DNAAF1: variants seen among roughly 807,000 people sequenced by gnomAD.
DNAAF1 encodes dynein axonemal assembly factor 1.
In DNAAF1, 65 loss-of-function variants were observed where a neutral mutation model predicts 71.1. The observed-to-expected ratio is 0.91, with a 90% CI of 0.75 to 1.12. The LOEUF (loss-of-function observed/expected upper bound fraction) is 1.12, where lower values mean the gene tolerates loss of function less well. Among genes scored for constraint, DNAAF1 ranks in the 50% most tolerant of loss-of-function variants. The pLI is 0.00. For missense variants in DNAAF1, 1,178 were observed against 899.8 expected, an observed-to-expected ratio of 1.31 and a Z score of -3.96; for synonymous variants, 414 against 354.6, an observed-to-expected ratio of 1.17 and a Z score of -1.88.
intron 6 of DNAAF1, among the ~76,000 whole-genome samples, chr16:84,160,661 G>T (rs960194850): frequency 4.6e-5 from 7 of 152,138 alleles, no homozygotes; most frequent in African/African-American, 1.7e-4. Context: ...AGGGCCGGGC[G>T]TGGTGGCTCA....
At chr16:84,155,070 G>A (rs946469284) in intron 4 of DNAAF1, among the ~76,000 whole-genome samples, 6 of 152,046 alleles carry the variant, frequency 3.9e-5, no homozygotes, top group African/African-American at 1.4e-4. Context: ...CACCACACCT[G>A]GCTAATTTTT....
chr16:84,150,193 A>G, intron 2 of DNAAF1, 58 bp from the exon 3 acceptor site: 1 of 1,312,106 alleles, frequency 7.6e-7, no homozygotes, highest in South Asian at 1.2e-5. Context: ...AACTGTGAGA[A>G]TATGTTTTAC....
intron 5 of DNAAF1, among the ~76,000 whole-genome samples, chr16:84,157,608 G>A (rs1224856821): frequency 1.3e-5 from 2 of 151,862 alleles, no homozygotes; most frequent in African/African-American, 2.4e-5. Context: ...GCCTTTGACA[G>A]CCTCCTTGCT....
At chr16:84,145,718 C>G (rs2086867993) in intron 1 of DNAAF1, among the ~76,000 whole-genome samples, 154 bp downstream of exon 1, 1 of 152,200 alleles carries the variant, frequency 6.6e-6, no homozygotes, top group Non-Finnish European at 1.5e-5. Flanking sequence ...GGGCTTCTCT[C>G]GCCATTTCGT....
rs1187555170 is a variant in DNAAF1 at position 84,175,923 on chromosome 16, CT to C, written c.1699-9del. 12 of 1,613,764 alleles carry C rather than the reference CT, an allele frequency of 7.4e-6. No individual in the cohort carries two copies. In the African/African-American group the frequency reaches 1.5e-4, roughly 20 times the overall value. On this transcript the variant is annotated splice_polypyrimidine_tract_variant and intron_variant, in intron 10 of 11. Coordinates refer to ENST00000378553, the MANE Select transcript of DNAAF1 (RefSeq NM_178452.6). ...CAGAAACTTTCAGACACCTTTTCTT[CT>C]GTAAATAGAATATGTGCTTTCCGAA...
At position 84,175,946 on chromosome 16, in the gene DNAAF1, C is replaced by A. The variant is rs199727292; in HGVS notation, c.1712C>A (p.Pro571Gln). 1.9e-5 allele frequency: 30 copies of A among 1,613,986 alleles called. No homozygotes were observed. The African/African-American group carries it at 3.9e-4, about 21-fold the overall frequency. ...TTCTGTAAATAGAATATGTGCTTTC[C>A]GAAGATTGAGGTCATCTCGAGCTTG... ...KSLEDQNMCF[P>Q]KIEVISSLSD... is the part of the protein sequence containing the mutation. Residue 571 changes from proline (P) to glutamine (Q), a missense_variant, in exon 11 of 12, where the codon CCG (proline) becomes CAG (glutamine). Physicochemically the swap from Pro to Gln is moderately conservative, Grantham distance 76. Coordinates refer to ENST00000378553, the MANE Select transcript of DNAAF1 (RefSeq NM_178452.6).
chr16:84,177,161 C>G lies in DNAAF1; in HGVS notation c.2066-568C>G, dbSNP rs565699473. On this transcript the variant is annotated intron_variant, in intron 11 of 11. Coordinates refer to ENST00000378553, the MANE Select transcript of DNAAF1 (RefSeq NM_178452.6). The stretch of plus-strand genomic sequence containing the variant: ...CAGGGAGTGGCCTGAGTGCATTTCC[C>G]GGGAACACTGAGTGGCCTTCTCTTC... 12 of 183,676 alleles carry G rather than the reference C, an allele frequency of 6.5e-5. No individual in the cohort carries two copies. The South Asian group carries it at 1.3e-3, about 20-fold the overall frequency. 11.4% of individuals were successfully genotyped at this position (183,676 alleles called of 1,614,324 possible).
intron 3 of DNAAF1, among the ~76,000 whole-genome samples, chr16:84,152,751 C>G (rs1294784929): frequency 6.6e-6 from 1 of 150,720 alleles, no homozygotes; most frequent in Non-Finnish European, 1.5e-5. Context: ...GTAAGGAGTT[C>G]GAGACCAACC....
At chr16:84,147,865 A>T (rs1052728020) in intron 1 of DNAAF1, among the ~76,000 whole-genome samples, 20 of 152,158 alleles carry the variant, frequency 1.3e-4, no homozygotes, top group African/African-American at 4.8e-4. Flanking sequence ...CAGGAGTTTG[A>T]GGACAGCCTG....
chr16:84,174,858 TC>T (rs2088569361), intron 10 of DNAAF1, 136 bp downstream of exon 10: 1 of 1,126,186 alleles, frequency 8.9e-7, no homozygotes, highest in Non-Finnish European at 1.3e-6. Flanking sequence ...ATATTCTTTT[TC>T]TTTTCTTTTC....
chr16:84,148,691 C>A (rs529481934), intron 1 of DNAAF1, among the ~76,000 whole-genome samples: 1 of 146,358 alleles, frequency 6.8e-6, no homozygotes, highest in Non-Finnish European at 1.5e-5. Context: ...CTTGACTTCC[C>A]AAGCTCGAGT....
chr16:84,168,871 T>C lies in DNAAF1; in HGVS notation c.1031-988T>C, dbSNP rs182990824. Among the ~76,000 whole-genome samples, 9 of 107,704 alleles carry C rather than the reference T, an allele frequency of 8.4e-5. No homozygotes were observed. In the Admixed American group the frequency reaches 8.7e-4, roughly 10 times the overall value. 70.7% of individuals were successfully genotyped at this position (107,704 alleles called of 152,430 possible). A position where few individuals can be genotyped will look rare whatever the true frequency, so the allele number is the denominator to read the frequency against. On this transcript the variant is annotated intron_variant, in intron 7 of 11. Transcript: ENST00000378553. ...ACACACACACACTTTGCTTTTCCCC[T>C]GAACCATTTGAAGATAAAGGCAAAC...
chr16:84,148,596 C>CTCTCTCTCTTTTTTTTTTTTTT, intron 1 of DNAAF1, among the ~76,000 whole-genome samples: 2 of 43,578 alleles, frequency 4.6e-5, no homozygotes, highest in African/African-American at 9.2e-5. Flanking sequence ...CTCTCTCTCT[C>CTCTCTCTCTTTTTTTTTTTTTT]TTTTTTTTTT....
chr16:84,163,501 C>G (rs1429407767), intron 6 of DNAAF1, among the ~76,000 whole-genome samples: 1 of 151,992 alleles, frequency 6.6e-6, no homozygotes, highest in Admixed American at 6.6e-5. Context: ...CTGCCTCAGC[C>G]TCCCTAGTAG....
At position 84,149,073 on chromosome 16, in the gene DNAAF1, A is replaced by G. The variant is rs878855278; in HGVS notation, c.191A>G (p.Gln64Arg). 3.7e-6 allele frequency: 6 copies of G among 1,614,054 alleles called. No individual in the cohort carries two copies. In the Admixed American group the frequency reaches 1.0e-4, roughly 27 times the overall value. ...SDTSYHSQQK[Q>R]SGDNGSGGHF... Reference sequence around the variant, plus strand: ...ACATCCTACCACAGCCAGCAGAAACAGAGTGGTGATAATGGGTCAGGTGGT... The same window carrying G: ...ACATCCTACCACAGCCAGCAGAAACGGAGTGGTGATAATGGGTCAGGTGGT... The change falls in exon 2 of 12, where the codon CAG becomes CGG. Residue 64 changes from glutamine to arginine, a missense_variant. By Grantham distance (43) the Gln-to-Arg change is conservative. Coordinates refer to ENST00000378553, the MANE Select transcript of DNAAF1 (RefSeq NM_178452.6).
intron 1 of DNAAF1, among the ~76,000 whole-genome samples, chr16:84,148,596 C>CTTTTTTTTTT (rs765676142): frequency 0.011 from 471 of 43,498 alleles, 77 homozygotes; most frequent in Middle Eastern, 0.015. Context: ...CTCTCTCTCT[C>CTTTTTTTTTT]TTTTTTTTTT....
At chr16:84,176,485 C>G in intron 11 of DNAAF1, 186 bp downstream of exon 11, 1 of 943,590 alleles carries the variant, frequency 1.1e-6, no homozygotes, top group Non-Finnish European at 1.6e-6. Flanking sequence ...CTGCCACTTG[C>G]TGGTAGCCAG....
Position 84,165,843 on chromosome 16 carries a change from G to A in DNAAF1, c.924G>A (p.Gln308=), listed in dbSNP as rs186325915. ...CAGCTGAAAAGGAGGAGAGACAGCA[G>A]TGGGAGAGCAGGGAGCGGAAGAAGA... ...GYAAEKEERQ[Q]WESRERKKIT... The change falls in exon 7 of 12, where the codon CAG becomes CAA. Residue 308 remains glutamine (Q), a synonymous_variant. Coordinates refer to ENST00000378553, the MANE Select transcript of DNAAF1 (RefSeq NM_178452.6). 1.9e-6 allele frequency: 3 copies of A among 1,613,708 alleles called. No homozygotes were observed. Among genetic ancestry groups the A allele is most frequent in the African/African-American group, 2.7e-5 (2 of 74,920 alleles).
intron 5 of DNAAF1, among the ~76,000 whole-genome samples, chr16:84,157,978 T>C (rs575825993): frequency 1.4e-3 from 217 of 152,228 alleles, no homozygotes; most frequent in Non-Finnish European, 2.5e-3. Context: ...GAGGCCAAGG[T>C]GGGCAGATCA....
Sources: allele counts gnomAD v4.1 joint callset (sites outside exome capture counted in the v4.1 genomes callset), GRCh38; gene constraint gnomAD v4.1.1; transcripts MANE v1.5; gene names NCBI Gene and HGNC (gene_info 2026-07-23, HGNC 2026-07-21).